MB21D2: variants seen among roughly 807,000 people sequenced by gnomAD.
The protein encoded by MB21D2 is nucleotidyltransferase MB21D2.
Under a neutral mutation model 33.3 loss-of-function variants are expected in MB21D2, and 9 were observed. The ratio of observed to expected loss-of-function variants is 0.27; its 90% CI spans 0.16 to 0.47. The LOEUF is 0.47. Among genes scored for constraint, MB21D2 ranks in the 20% least tolerant of loss-of-function variants. The pLI is 0.99. For missense variants in MB21D2, 540 were observed against 624.6 expected (o/e 0.86, Z 1.44); for synonymous variants, 241 against 236.3 (o/e 1.02, Z -0.18).
chr3:192,818,771 GT>G (rs550344697), intron 1 of MB21D2, among the ~76,000 whole-genome samples: 1 of 151,870 alleles, frequency 6.6e-6, no homozygotes, highest in Non-Finnish European at 1.5e-5. Flanking sequence ...AGTCATGCTG[GT>G]TTTTTTAATG....
intron 1 of MB21D2, among the ~76,000 whole-genome samples, chr3:192,837,929 T>C (rs1474993204): frequency 6.6e-6 from 1 of 152,234 alleles, no homozygotes; most frequent in Non-Finnish European, 1.5e-5. Context: ...AGTTTTCTAT[T>C]ATTACATGAC....
At chr3:192,826,342 G>C (rs916589904) in intron 1 of MB21D2, among the ~76,000 whole-genome samples, 2 of 152,198 alleles carry the variant, frequency 1.3e-5, no homozygotes, top group Non-Finnish European at 2.9e-5. Context: ...ACTATAGTCA[G>C]GAAAGGAAAA....
At chr3:192,872,646 G>T (rs1177616156) in intron 1 of MB21D2, among the ~76,000 whole-genome samples, 1 of 152,062 alleles carries the variant, frequency 6.6e-6, no homozygotes, top group Non-Finnish European at 1.5e-5. Flanking sequence ...AAAGAATCAT[G>T]GATGACGGTA....
At chr3:192,877,940 C>T (rs2108641238) in intron 1 of MB21D2, among the ~76,000 whole-genome samples, 1 of 150,050 alleles carries the variant, frequency 6.7e-6, no homozygotes, top group South Asian at 2.1e-4. Flanking sequence ...CCAAATAAAT[C>T]ATTACCCTCC....
chr3:192,857,823 A>G (rs1712951460), intron 1 of MB21D2, among the ~76,000 whole-genome samples: 4 of 152,132 alleles, frequency 2.6e-5, no homozygotes, highest in Admixed American at 2.0e-4. Flanking sequence ...GCAAAATCAC[A>G]TATGATAAAA....
chr3:192,892,030 C>G (rs1240731853), intron 1 of MB21D2, among the ~76,000 whole-genome samples: 4 of 152,118 alleles, frequency 2.6e-5, no homozygotes, highest in African/African-American at 9.7e-5. Flanking sequence ...CTTGTACATT[C>G]TCTTGTGTCA....
intron 1 of MB21D2, among the ~76,000 whole-genome samples, chr3:192,863,282 A>C (rs1713089334): frequency 6.6e-6 from 1 of 152,212 alleles, no homozygotes; most frequent in South Asian, 2.1e-4. Context: ...TCCAGACTCC[A>C]GAACTGTGAG....
intron 1 of MB21D2, among the ~76,000 whole-genome samples, chr3:192,909,936 C>CAAAAAAAA (rs61613458): frequency 3.8e-5 from 2 of 52,804 alleles, no homozygotes; most frequent in African/African-American, 1.6e-4. Flanking sequence ...GACTCTGTCT[C>CAAAAAAAA]AAAAAAAAAA....
At chr3:192,871,785 G>A (rs1472464765) in intron 1 of MB21D2, among the ~76,000 whole-genome samples, 2 of 152,006 alleles carry the variant, frequency 1.3e-5, no homozygotes, top group Admixed American at 1.3e-4. Context: ...AGAGGGAAGT[G>A]ACATGATGGG....
At chr3:192,842,189 TG>T (rs1243895875) in intron 1 of MB21D2, among the ~76,000 whole-genome samples, 2 of 152,160 alleles carry the variant, frequency 1.3e-5, no homozygotes, top group African/African-American at 4.8e-5. Flanking sequence ...AGAGCTGAAC[TG>T]GGGCACAGCT....
chr3:192,804,467 A>G (rs552573782), intron 1 of MB21D2, among the ~76,000 whole-genome samples: 1 of 152,076 alleles, frequency 6.6e-6, no homozygotes, highest in African/African-American at 2.4e-5. Context: ...ACACACTTAC[A>G]TATGTTGAAG....
rs1244475821 is a variant in MB21D2 at position 192,798,441 on chromosome 3, A to G, written c.1421T>C (p.Ile474Thr). ...ENPGKSISVF[I>T]NPDDVTRPHF... ...GGGCCTTGTGACATCGTCAGGATTG[A>G]TAAAGACAGAGATTGACTTTCCCGG... Residue 474 changes from isoleucine (I) to threonine (T), a missense_variant, in exon 2 of 2, where the codon ATC becomes ACC. Coordinates refer to ENST00000392452, the MANE Select transcript of MB21D2 (RefSeq NM_178496.4). The surrounding 1 kb of genome is among the most constrained non-coding windows in gnomAD (Gnocchi z 4.8). 2 of 1,614,048 alleles carry G rather than the reference A, an allele frequency of 1.2e-6. No individual in the cohort carries two copies. Among genetic ancestry groups the G allele is most frequent in the Non-Finnish European group, 1.7e-6 (2 of 1,180,046 alleles).
At chr3:192,901,274 T>C (rs1298468990) in intron 1 of MB21D2, among the ~76,000 whole-genome samples, 1 of 151,930 alleles carries the variant, frequency 6.6e-6, no homozygotes, top group African/African-American at 2.4e-5. Context: ...CCATTCCTGT[T>C]GAGACTTTAT....
Position 192,917,845 on chromosome 3 carries a change from A to G in MB21D2, c.-5T>C. On this transcript the variant is annotated 5_prime_UTR_variant, in exon 1 of 2. Transcript: ENST00000392452. Reference sequence around the variant, plus strand: ...GGTGGGAGCCGCCATCTTCATGCAAAACGCGCCGAGTAGCAGCTCCGCGGC... The same window carrying G: ...GGTGGGAGCCGCCATCTTCATGCAAGACGCGCCGAGTAGCAGCTCCGCGGC... 1 of 1,606,260 alleles carries G rather than the reference A, an allele frequency of 6.2e-7. No homozygotes were observed. The highest frequency in any genetic ancestry group is 8.5e-7 in the Non-Finnish European group (1 of 1,176,136).
At chr3:192,819,472 A>C (rs958564777) in intron 1 of MB21D2, among the ~76,000 whole-genome samples, 2 of 152,192 alleles carry the variant, frequency 1.3e-5, no homozygotes, top group African/African-American at 2.4e-5. Context: ...GTGACAGTCA[A>C]GTGAGCAGAA....
At chr3:192,904,321 C>T (rs1714162240) in intron 1 of MB21D2, among the ~76,000 whole-genome samples, 3 of 152,178 alleles carry the variant, frequency 2.0e-5, no homozygotes, top group Non-Finnish European at 2.9e-5. Context: ...GTTTTCAGAG[C>T]AGGCTGCAAA....
intron 1 of MB21D2, among the ~76,000 whole-genome samples, chr3:192,882,545 T>C (rs1175297218): frequency 6.6e-6 from 1 of 152,080 alleles, no homozygotes; most frequent in African/African-American, 2.4e-5. Flanking sequence ...CACCCAAGGG[T>C]CATCTGATTC....
chr3:192,839,963 C>A lies in MB21D2; in HGVS notation c.212-40313G>T, dbSNP rs1441053300. Among the ~76,000 whole-genome samples the A allele has an allele frequency of 3.3e-5, 5 of 150,816 alleles. No individual in the cohort carries two copies. The East Asian group carries it at 7.7e-4, about 23-fold the overall frequency. The stretch of plus-strand genomic sequence containing the variant: ...TGGAGAAGCATGTAACATGAAACCA[C>A]CCCACAGCCACTGCAGGTAAAAAAT... On this transcript the variant is annotated intron_variant, in intron 1 of 1. Coordinates refer to ENST00000392452, the MANE Select transcript of MB21D2 (RefSeq NM_178496.4).
At chr3:192,910,531 T>G (rs1041824176) in intron 1 of MB21D2, among the ~76,000 whole-genome samples, 1 of 152,152 alleles carries the variant, frequency 6.6e-6, no homozygotes, top group Non-Finnish European at 1.5e-5. Context: ...AAATGCATCT[T>G]CTTTGGAATA....
Sources: gnomAD v4.1 joint callset for allele counts (sites outside exome capture counted in the v4.1 genomes callset) on GRCh38, gnomAD v4.1.1 for gene constraint, Gnocchi (gnomAD v3.1) non-coding constraint, MANE v1.5 for transcripts, NCBI Gene and HGNC (gene_info 2026-07-23, HGNC 2026-07-21) for gene names.